The following ZMAT4 variants were observed in gnomAD, a reference collection of about 807,000 sequenced individuals.
The protein encoded by ZMAT4 is zinc finger matrin-type 4.
Under a neutral mutation model 28.7 loss-of-function variants are expected in ZMAT4, and 17 were observed. The ratio of observed to expected loss-of-function variants is 0.59; its 90% confidence interval spans 0.41 to 0.89. The LOEUF is 0.89. Among genes scored for constraint, ZMAT4 ranks in the 40% least tolerant of loss-of-function variants. ZMAT4 has a pLI of 0.00. For synonymous variants in ZMAT4, 117 were observed against 109.2 expected (o/e 1.07, Z -0.44); for missense variants, 240 against 283.8 (o/e 0.85, Z 1.11).
rs189778916 is a variant in ZMAT4, at chr8:40,763,686, A to T, written c.192+3955T>A. Among the ~76,000 whole-genome samples, 400 of 152,148 alleles carry T rather than the reference A, an allele frequency of 2.6e-3. 6 individuals carry two copies. Among genetic ancestry groups the T allele is most frequent in the East Asian group, 7.7e-4 (4 of 5,170 alleles). On this transcript the variant is annotated intron_variant, in intron 3 of 6. Coordinates refer to ENST00000297737, the MANE Select transcript of ZMAT4 (RefSeq NM_024645.3). ...TTTGGTCAAGTCATGGTACTTCTTT[A>T]TTTTCACCTTTGTAATAAGAAGGGT...
chr8:40,892,425 A>T (rs1818728646), intron 1 of ZMAT4, among the ~76,000 whole-genome samples: 1 of 152,214 alleles, frequency 6.6e-6, no homozygotes, highest in Non-Finnish European at 1.5e-5. Flanking sequence ...CCACTCAGCC[A>T]GAACTAAAGA....
At chr8:40,658,373 C>T (rs1808021922) in intron 5 of ZMAT4, among the ~76,000 whole-genome samples, 1 of 151,924 alleles carries the variant, frequency 6.6e-6, no homozygotes, top group African/African-American at 2.4e-5. Context: ...TATATTCCTC[C>T]AGAACATCGA....
chr8:40,640,406 C>T (rs1806966973), intron 5 of ZMAT4, among the ~76,000 whole-genome samples: 1 of 152,208 alleles, frequency 6.6e-6, no homozygotes, highest in Non-Finnish European at 1.5e-5. Context: ...GTGGCTCCAT[C>T]TTGATTGCAC....
At chr8:40,680,860 C>T (rs1809136516) in intron 4 of ZMAT4, among the ~76,000 whole-genome samples, 1 of 151,924 alleles carries the variant, frequency 6.6e-6, no homozygotes, top group South Asian at 2.1e-4. Context: ...GCTTTCTAGG[C>T]TTTAGGATAG....
chr8:40,676,472 C>T (rs190070664), intron 4 of ZMAT4, among the ~76,000 whole-genome samples: 121 of 152,200 alleles, frequency 8.0e-4, no homozygotes, highest in Middle Eastern at 6.8e-3. Context: ...GGCAAAACCA[C>T]GAGCATTAGG....
At chr8:40,849,968 A>G (rs1480670923) in intron 1 of ZMAT4, among the ~76,000 whole-genome samples, 1 of 152,076 alleles carries the variant, frequency 6.6e-6, no homozygotes, top group Non-Finnish European at 1.5e-5. Context: ...GAAACCTGGG[A>G]TCGCTCCTCA....
At chr8:40,789,142 T>G (rs1814220680) in intron 2 of ZMAT4, among the ~76,000 whole-genome samples, 1 of 151,564 alleles carries the variant, frequency 6.6e-6, no homozygotes, top group African/African-American at 2.4e-5. Flanking sequence ...ACATTGCAAC[T>G]GTGGAATAGA....
At chr8:40,795,282 C>A (rs1486584680) in intron 2 of ZMAT4, among the ~76,000 whole-genome samples, 1 of 152,130 alleles carries the variant, frequency 6.6e-6, no homozygotes, top group African/African-American at 2.4e-5. Flanking sequence ...TCACGTGAAA[C>A]ACCCATGCAA....
chr8:40,809,383 T>A (rs1815230245), intron 2 of ZMAT4, among the ~76,000 whole-genome samples: 1 of 152,204 alleles, frequency 6.6e-6, no homozygotes, highest in African/African-American at 2.4e-5. Context: ...GCTCACTACC[T>A]GGGTGATGGG....
chr8:40,587,084 GAACTGCTC>G (rs1420319878), intron 5 of ZMAT4, among the ~76,000 whole-genome samples: 1 of 148,170 alleles, frequency 6.7e-6, no homozygotes, highest in Non-Finnish European at 1.5e-5. Context: ...AAATGGGCCT[GAACTGCTC>G]AAGGAACAAA....
intron 5 of ZMAT4, among the ~76,000 whole-genome samples, chr8:40,667,836 AAAAAAAAAAAAACAAC>A (rs1242145806): frequency 2.6e-5 from 1 of 38,014 alleles, no homozygotes; most frequent in Non-Finnish European, 6.9e-5. Flanking sequence ...CCATTATTTA[AAAAAAAAAAAAACAAC>A]AAAAAAAAAA....
intron 2 of ZMAT4, among the ~76,000 whole-genome samples, chr8:40,784,457 A>G (rs1293683704): frequency 3.9e-5 from 6 of 152,176 alleles, no homozygotes; most frequent in Admixed American, 3.9e-4. Context: ...GATAACAACC[A>G]TTATACTTAA....
At position 40,648,728 on chromosome 8, in the gene ZMAT4, G is replaced by A. The variant is rs370926936; in HGVS notation, c.577+25976C>T. Among the ~76,000 whole-genome samples the A allele has an allele frequency of 3.0e-4, 25 of 83,630 alleles. 2 individuals are homozygous for A. In the Middle Eastern group the frequency reaches 0.021, roughly 71 times the overall value. The allele number at this position is 83,630 out of a possible 152,430, so 54.9% of individuals were successfully genotyped here. Reference sequence around the variant, plus strand: ...CCATCAGACTAACAGCAGATCTCTCGGCAGAAACCCTACAAGCCAGAAGAG... The same window carrying A: ...CCATCAGACTAACAGCAGATCTCTCAGCAGAAACCCTACAAGCCAGAAGAG... On this transcript the variant is annotated intron_variant, in intron 5 of 6. Coordinates refer to ENST00000297737, the MANE Select transcript of ZMAT4 (RefSeq NM_024645.3).
At chr8:40,611,128 G>C (rs1377289015) in intron 5 of ZMAT4, among the ~76,000 whole-genome samples, 4 of 152,020 alleles carry the variant, frequency 2.6e-5, no homozygotes, top group Non-Finnish European at 5.9e-5. Flanking sequence ...AGTTTTAATG[G>C]ACTATGCAAT....
intron 5 of ZMAT4, among the ~76,000 whole-genome samples, chr8:40,594,028 T>A (rs961191920): frequency 6.6e-6 from 1 of 152,202 alleles, no homozygotes; most frequent in African/African-American, 2.4e-5. Flanking sequence ...CCTTTAAAGA[T>A]GAAATTTCAG....
In ZMAT4 at chr8:40,751,743, G is replaced by A. The variant is rs149275719; in HGVS notation, c.192+15898C>T. ...GGTTACAGAAGAAGAGGATGACTTC[G>A]ATAGGTGTATAATGAAAACCAGATG... is the stretch of plus-strand genomic sequence containing the variant. On this transcript the variant is annotated intron_variant, in intron 3 of 6. Transcript: ENST00000297737. Among the ~76,000 whole-genome samples the A allele has an allele frequency of 5.7e-3, 861 of 152,224 alleles. 6 individuals are homozygous for A. The highest frequency in any genetic ancestry group is 0.012 in the Admixed American group (185 of 15,296).
intron 6 of ZMAT4, among the ~76,000 whole-genome samples, chr8:40,552,320 GTCTCACAGTTAGCCCTC>G (rs1262421411): frequency 6.6e-6 from 1 of 152,036 alleles, no homozygotes; most frequent in Non-Finnish European, 1.5e-5. Flanking sequence ...CCACCTTCAG[GTCTCACAGTTAGCCCTC>G]CCTAAACACA....
rs778145537 is a variant in ZMAT4 at position 40,767,695 on chromosome 8, G to A, written c.138C>T (p.Tyr46=). The change falls in exon 3 of 7, where the codon TAC becomes TAT. Residue 46 remains tyrosine (Y), a synonymous_variant. Coordinates refer to ENST00000297737, the MANE Select transcript of ZMAT4 (RefSeq NM_024645.3). ...RKHASKVRLY[Y]MLHPRDGGCP... ...ACCCTCCATCCCTGGGGTGAAGCAT[G>A]TAATACAGTCGGACTTTGCTTGCAT... 1.2e-6 allele frequency: 2 copies of A among 1,613,096 alleles called. No homozygotes were observed. The highest frequency in any genetic ancestry group is 2.2e-5 in the South Asian group (2 of 90,866).
intron 3 of ZMAT4, among the ~76,000 whole-genome samples, chr8:40,730,083 A>C (rs1811473431): frequency 6.6e-6 from 1 of 152,218 alleles, no homozygotes; most frequent in South Asian, 2.1e-4. Flanking sequence ...ACTAAAAAGA[A>C]AACAGATAAT....
Sources: gnomAD v4.1 joint callset for allele counts (sites outside exome capture counted in the v4.1 genomes callset) on GRCh38, gnomAD v4.1.1 for gene constraint, MANE v1.5 for transcripts, NCBI Gene and HGNC (gene_info 2026-07-23, HGNC 2026-07-21) for gene names.